Variants in CAMK1D observed in about 807,000 individuals in gnomAD.
The protein encoded by CAMK1D is calcium/calmodulin-dependent protein kinase type 1D.
Under a neutral mutation model 47.7 loss-of-function variants are expected in CAMK1D, and 9 were observed. The ratio of observed to expected loss-of-function variants is 0.19; its 90% CI spans 0.11 to 0.33. The LOEUF is 0.33. Ranked by LOEUF, CAMK1D falls within the 10% of genes least tolerant of loss-of-function variation. The probability of loss-of-function intolerance (pLI) is 1.00; values close to 1 mark genes in which losing one functional copy is unlikely to be tolerated. For synonymous variants in CAMK1D, 184 were observed against 184.9 expected (o/e 0.99, Z 0.04); for missense variants, 291 against 488.7 (o/e 0.60, Z 3.81).
chr10:12,745,352 C>T (rs966706699), intron 3 of CAMK1D, among the ~76,000 whole-genome samples: 2 of 152,002 alleles, frequency 1.3e-5, no homozygotes, highest in African/African-American at 2.4e-5. Flanking sequence ...TTTTTAAGAC[C>T]CAGATTGACC....
At position 12,487,643 on chromosome 10, in the gene CAMK1D, A is replaced by G. The variant is rs548442654; in HGVS notation, c.93-65582A>G. 2.0e-4 allele frequency among the ~76,000 whole-genome samples: 30 copies of G among 152,332 alleles called. No homozygotes were observed. In the South Asian group the frequency reaches 6.0e-3, roughly 31 times the overall value. On this transcript the variant is annotated intron_variant, in intron 1 of 10. Transcript: ENST00000619168. Reference sequence around the variant, plus strand: ...ATCATTGCAATGCCACAGATCCCAGAAGAAAGGTGTCACGTAACTGGAATC... The same window carrying G: ...ATCATTGCAATGCCACAGATCCCAGGAGAAAGGTGTCACGTAACTGGAATC...
chr10:12,694,790 A>G (rs1833195567), intron 3 of CAMK1D, among the ~76,000 whole-genome samples: 1 of 151,692 alleles, frequency 6.6e-6, no homozygotes, highest in Non-Finnish European at 1.5e-5. Context: ...AGGAACAGGC[A>G]TTAGATTACT....
rs397844890 is a variant in CAMK1D, at chr10:12,466,592, CTT to C, written c.93-86617_93-86616del. Among the ~76,000 whole-genome samples, 822 of 132,422 alleles carry C rather than the reference CTT, an allele frequency of 6.2e-3. 3 individuals are homozygous for C. The highest frequency in any genetic ancestry group is 0.021 in the African/African-American group (749 of 36,254). 86.9% of individuals were successfully genotyped at this position (132,422 alleles called of 152,430 possible). ...AGGGCAAGACCCTGTCTCTGAATTT[CTT>C]TTTTTTTTTTTTTTTAGAAGTCAAT... On this transcript the variant is annotated intron_variant, in intron 1 of 10. Coordinates refer to ENST00000619168, the MANE Select transcript of CAMK1D (RefSeq NM_153498.4).
chr10:12,740,693 A>T (rs918666289), intron 3 of CAMK1D, among the ~76,000 whole-genome samples: 8 of 152,228 alleles, frequency 5.3e-5, no homozygotes, highest in African/African-American at 1.7e-4. Context: ...TGAACAAGAC[A>T]CAAATAGCTG....
intron 2 of CAMK1D, among the ~76,000 whole-genome samples, chr10:12,620,548 C>T (rs556491117): frequency 6.6e-6 from 1 of 152,224 alleles, no homozygotes; most frequent in Non-Finnish European, 1.5e-5. Context: ...TATGGGCCTA[C>T]TTGCCATGTG....
chr10:12,538,717 G>T (rs764432734), intron 1 of CAMK1D, among the ~76,000 whole-genome samples: 4 of 151,994 alleles, frequency 2.6e-5, no homozygotes, highest in Non-Finnish European at 4.4e-5. Context: ...TCTCCATCCA[G>T]CCAGTACTGT....
intron 1 of CAMK1D, among the ~76,000 whole-genome samples, chr10:12,530,826 G>C (rs1488596206): frequency 6.6e-6 from 1 of 152,148 alleles, no homozygotes; most frequent in African/African-American, 2.4e-5. Flanking sequence ...GGAGGCTGAC[G>C]TTGGAGAATT....
At chr10:12,445,011 G>A (rs1045732155) in intron 1 of CAMK1D, among the ~76,000 whole-genome samples, 4 of 152,226 alleles carry the variant, frequency 2.6e-5, no homozygotes, top group African/African-American at 9.6e-5. Flanking sequence ...TCAAAGAAAT[G>A]TGTGTTGGGG....
intron 3 of CAMK1D, chr10:12,760,732 G>GT: frequency 1.1e-5 from 6 of 528,380 alleles, no homozygotes; most frequent in Admixed American, 6.3e-5. Flanking sequence ...CGTGGATCGT[G>GT]TTTTTTTAAA....
intron 1 of CAMK1D, among the ~76,000 whole-genome samples, chr10:12,422,586 T>C (rs1840091957): frequency 6.6e-6 from 1 of 152,086 alleles, no homozygotes; most frequent in African/African-American, 2.4e-5. Flanking sequence ...AAAAAGAGCT[T>C]GTAGAGAAAT....
intron 8 of CAMK1D, among the ~76,000 whole-genome samples, chr10:12,816,744 C>T (rs778248156): frequency 2.1e-4 from 32 of 151,790 alleles, no homozygotes; most frequent in African/African-American, 5.6e-4. Flanking sequence ...TGGTGGCGCG[C>T]GCCTGTAATC....
intron 1 of CAMK1D, among the ~76,000 whole-genome samples, chr10:12,445,528 A>G (rs1832900817): frequency 6.6e-6 from 1 of 152,180 alleles, no homozygotes; most frequent in African/African-American, 2.4e-5. Context: ...TGGGCAGAAG[A>G]GTAGACAGAC....
chr10:12,679,773 G>A (rs909718946), intron 3 of CAMK1D, among the ~76,000 whole-genome samples: 2 of 151,900 alleles, frequency 1.3e-5, no homozygotes, highest in Non-Finnish European at 2.9e-5. Context: ...CTCATAATCC[G>A]ACCCAGGCTT....
intron 1 of CAMK1D, among the ~76,000 whole-genome samples, chr10:12,365,756 A>C (rs1837813707): frequency 6.6e-6 from 1 of 152,140 alleles, no homozygotes. Flanking sequence ...ATAGCTTTAA[A>C]AATGTTTCCT....
At chr10:12,395,756 A>C (rs946961137) in intron 1 of CAMK1D, among the ~76,000 whole-genome samples, 1 of 149,934 alleles carries the variant, frequency 6.7e-6, no homozygotes, top group African/African-American at 2.5e-5. Flanking sequence ...AAAATTAGCC[A>C]TCTCTATGAA....
intron 5 of CAMK1D, among the ~76,000 whole-genome samples, chr10:12,789,233 C>T (rs1837871682): frequency 6.6e-6 from 1 of 152,120 alleles, no homozygotes; most frequent in African/African-American, 2.4e-5. Context: ...TGTTTTTTAG[C>T]TCATCAGCTA....
At chr10:12,534,583 T>G (rs1835910217) in intron 1 of CAMK1D, among the ~76,000 whole-genome samples, 1 of 152,214 alleles carries the variant, frequency 6.6e-6, no homozygotes, top group Admixed American at 6.5e-5. Flanking sequence ...GCCAGACTGG[T>G]CTCGAACTCT....
intron 1 of CAMK1D, among the ~76,000 whole-genome samples, chr10:12,518,567 G>T (rs1835282210): frequency 2.4e-5 from 1 of 40,908 alleles, no homozygotes; most frequent in African/African-American, 8.7e-5. Context: ...GGACAATAGT[G>T]GAGGGAAGGT....
chr10:12,523,732 G>A (rs748653315), intron 1 of CAMK1D, among the ~76,000 whole-genome samples: 6 of 152,130 alleles, frequency 3.9e-5, no homozygotes, highest in African/African-American at 7.2e-5. Context: ...GAGGGAGACC[G>A]TGGAAAGAGA....
Sources: allele counts gnomAD v4.1 joint callset (sites outside exome capture counted in the v4.1 genomes callset), GRCh38; gene constraint gnomAD v4.1.1; transcripts MANE v1.5; gene names NCBI Gene and HGNC (gene_info 2026-07-23, HGNC 2026-07-21).